Variants in TSKS observed in about 807,000 individuals in gnomAD.
TSKS encodes testis-specific serine kinase substrate.
A neutral mutation model predicts 68.0 loss-of-function variants in TSKS; 27 were observed. That is an observed-to-expected ratio of 0.40 (90% confidence interval 0.29 to 0.55). TSKS has a LOEUF of 0.55. TSKS is among the 20% of genes least tolerant of loss of function. TSKS has a pLI of 0.53. For missense variants in TSKS, 806 were observed against 776.0 expected (o/e 1.04, Z -0.46); for synonymous variants, 331 against 340.4 (o/e 0.97, Z 0.30).
chr19:49,744,080 T>A, intron 8 of TSKS, 151 bp downstream of exon 8: 4 of 754,240 alleles, frequency 5.3e-6, no homozygotes, highest in Non-Finnish European at 6.4e-6. Flanking sequence ...AGGCTTCTAG[T>A]GCAGCAGGAC....
chr19:49,761,142 C>T (rs2084437372), intron 2 of TSKS, among the ~76,000 whole-genome samples: 1 of 152,078 alleles, frequency 6.6e-6, no homozygotes, highest in Non-Finnish European at 1.5e-5. Flanking sequence ...CGAATGTATG[C>T]ATCTCCGTTT....
intron 2 of TSKS, among the ~76,000 whole-genome samples, chr19:49,754,559 G>GA (rs371624197): frequency 1.3e-5 from 2 of 151,706 alleles, no homozygotes; most frequent in South Asian, 2.1e-4. Context: ...GGCATGCAAA[G>GA]AAAAAAAACT....
rs764385903 is a variant in TSKS, at chr19:49,740,138, G to A, written c.1543C>T (p.Leu515=). The A allele has an allele frequency of 3.1e-6, 5 of 1,614,150 alleles. No homozygotes were observed. Among genetic ancestry groups the A allele is most frequent in the Admixed American group, 3.3e-5 (2 of 60,022 alleles). Residue 515 remains leucine, a synonymous_variant, in exon 10 of 11, where the codon CTG becomes TTG. Transcript: ENST00000246801. ...TGGGCCAGCCGAAGGGTGGAGCTCAGGGCCTCTGCCCTGACGTGTTTGGCT... is the reference window on the plus strand; with the variant it reads ...TGGGCCAGCCGAAGGGTGGAGCTCAAGGCCTCTGCCCTGACGTGTTTGGCT... The part of the protein sequence containing the change: ...ALAKHVRAEA[L]SSTLRLAQDE...
At chr19:49,740,798 C>T (rs1004989925) in intron 9 of TSKS, among the ~76,000 whole-genome samples, 31 of 151,926 alleles carry the variant, frequency 2.0e-4, no homozygotes, top group African/African-American at 7.5e-4. Context: ...ACACGAGAAT[C>T]GTTTGAACCT....
chr19:49,760,156 TAAAG>T (rs1037653336), intron 2 of TSKS, among the ~76,000 whole-genome samples: 5 of 151,044 alleles, frequency 3.3e-5, no homozygotes, highest in Admixed American at 6.6e-5. Context: ...TCTCAAAAAA[TAAAG>T]AAAGGAAAAG....
Position 49,739,871 on chromosome 19 carries a change from T to C in TSKS, c.1684A>G (p.Ser562Gly). ...GTGGACCCCTCAAGTGGCAGGTTGC[T>C]GAGATGATCGTGGAGGGAGCACATC... ...LKMCSLHDHL[S>G]NLPLEGSTGT... The change falls in exon 11 of 11, where the codon AGC (serine) becomes GGC (glycine). Residue 562 changes from serine (S) to glycine (G), a missense_variant. Physicochemically the swap from Ser to Gly is moderately conservative, Grantham distance 56. Transcript: ENST00000246801. 1.2e-6 allele frequency: 2 copies of C among 1,613,506 alleles called. No individual in the cohort carries two copies. Among genetic ancestry groups the C allele is most frequent in the Non-Finnish European group, 1.7e-6 (2 of 1,179,506 alleles).
At chr19:49,746,886 C>A in intron 5 of TSKS, 88 bp from the exon 6 acceptor site, 1 of 1,535,018 alleles carries the variant, frequency 6.5e-7, no homozygotes, top group Non-Finnish European at 8.7e-7. Flanking sequence ...CAGTACTCCC[C>A]GAGATTGGAA....
At chr19:49,741,758 C>G in intron 9 of TSKS, 127 bp downstream of exon 9, 2 of 1,331,984 alleles carry the variant, frequency 1.5e-6, no homozygotes, top group South Asian at 2.6e-5. Context: ...TCCCCCAGTG[C>G]CTGCTGCTCC....
At chr19:49,756,130 A>G (rs35994587) in intron 2 of TSKS, among the ~76,000 whole-genome samples, 2,677 of 152,210 alleles carry the variant, frequency 0.018, 82 homozygotes, top group African/African-American at 0.06. Flanking sequence ...ATGGTGACCA[A>G]CTGGGAATTA....
intron 4 of TSKS, among the ~76,000 whole-genome samples, chr19:49,747,740 G>T (rs917021808): frequency 6.6e-6 from 1 of 151,948 alleles, no homozygotes; most frequent in Non-Finnish European, 1.5e-5. Context: ...ACTGAGTCTC[G>T]CTCTGTCGGC....
At position 49,741,916 on chromosome 19, in the gene TSKS, G is replaced by A. The variant is rs570623619; in HGVS notation, c.1466C>T (p.Pro489Leu). 3.1e-6 allele frequency: 5 copies of A among 1,614,212 alleles called. No individual in the cohort carries two copies. In the African/African-American group the frequency reaches 6.7e-5, roughly 22 times the overall value. Residue 489 changes from proline to leucine, a missense_variant, in exon 9 of 11, where the codon CCC becomes CTC. Pro to Leu is a moderately conservative substitution (Grantham distance 98). Coordinates refer to ENST00000246801, the MANE Select transcript of TSKS (RefSeq NM_021733.2). ...VKQRGLTPAC[P>L]SCQRLHKKIL... Reference sequence around the variant, plus strand: ...CTTCTTGTGTAGCCTCTGACAGCTGGGACAGGCAGGAGTCAGGCCCCTCTG... The same window carrying A: ...CTTCTTGTGTAGCCTCTGACAGCTGAGACAGGCAGGAGTCAGGCCCCTCTG...
chr19:49,748,972 A>G (rs1210533936), intron 2 of TSKS, among the ~76,000 whole-genome samples: 4 of 152,080 alleles, frequency 2.6e-5, no homozygotes, highest in African/African-American at 9.7e-5. Flanking sequence ...CTGAGGCAGG[A>G]GAATTGCTTG....
chr19:49,743,800 T>C (rs1334726084), intron 8 of TSKS, among the ~76,000 whole-genome samples: 1 of 151,102 alleles, frequency 6.6e-6, no homozygotes, highest in Non-Finnish European at 1.5e-5. Flanking sequence ...GCGCCCAGCC[T>C]GGTCCAAGTG....
rs749676151 is a variant in TSKS, at chr19:49,746,734, A to C, written c.728T>G (p.Leu243Arg). ...CTCCTGCTTCTCCTCCGGCTCCTGC[A>C]GCTCGGCCTCCTGCCGTCGCGGCGT... ...DETPRRQEAE[L>R]QEPEEKQEPE... The change falls in exon 6 of 11, where the codon CTG becomes CGG. Residue 243 changes from leucine (L) to arginine (R), a missense_variant. Leu to Arg is a moderately radical substitution (Grantham distance 102). Transcript: ENST00000246801. 3.8e-6 allele frequency: 6 copies of C among 1,599,812 alleles called. No individual in the cohort carries two copies. Among genetic ancestry groups the C allele is most frequent in the Non-Finnish European group, 4.2e-6 (5 of 1,178,530 alleles).
At position 49,739,925 on chromosome 19, in the gene TSKS, T is replaced by G. The variant is rs1273065799; in HGVS notation, c.1630A>C (p.Met544Leu). 1 of 1,610,906 alleles carries G rather than the reference T, an allele frequency of 6.2e-7. No homozygotes were observed. The highest frequency in any genetic ancestry group is 8.5e-7 in the Non-Finnish European group (1 of 1,177,822). ...AAGTGTAGATGGTCCAGAGTGGCCATCTTCTCCCTGTCATGAGGCAGCGGG... is the reference window on the plus strand; with the variant it reads ...AAGTGTAGATGGTCCAGAGTGGCCAGCTTCTCCCTGTCATGAGGCAGCGGG... ...LTDKMKPEEK[M>L]ATLDHLHLKM... Residue 544 changes from methionine (M) to leucine (L), a missense_variant, in exon 11 of 11, where the codon ATG (methionine) becomes CTG (leucine). By Grantham distance (15) the Met-to-Leu change is conservative. Coordinates refer to ENST00000246801, the MANE Select transcript of TSKS (RefSeq NM_021733.2).
In TSKS at chr19:49,740,126, G is replaced by A; in HGVS notation, c.1555C>T (p.Leu519Phe). The A allele has an allele frequency of 6.2e-7, 1 of 1,614,154 alleles. No homozygotes were observed. Among genetic ancestry groups the A allele is most frequent in the Non-Finnish European group, 8.5e-7 (1 of 1,180,038 alleles). ...HVRAEALSSTLRLAQDEALRA... is the reference protein window; with the variant it reads ...HVRAEALSSTFRLAQDEALRA... ...AGGGCCTCGTCTTGGGCCAGCCGAAGGGTGGAGCTCAGGGCCTCTGCCCTG... is the reference window on the plus strand; with the variant it reads ...AGGGCCTCGTCTTGGGCCAGCCGAAAGGTGGAGCTCAGGGCCTCTGCCCTG... The change falls in exon 10 of 11, where the codon CTT (leucine) becomes TTT (phenylalanine). Residue 519 changes from leucine to phenylalanine, a missense_variant. Leu to Phe is a conservative substitution (Grantham distance 22, BLOSUM62 0). Coordinates refer to ENST00000246801, the MANE Select transcript of TSKS (RefSeq NM_021733.2).
At chr19:49,750,889 T>A (rs1568564214) in intron 2 of TSKS, among the ~76,000 whole-genome samples, 1 of 152,190 alleles carries the variant, frequency 6.6e-6, no homozygotes, top group African/African-American at 2.4e-5. Context: ...ACACAAAAGA[T>A]AGACAGAATA....
At chr19:49,747,323 G>A in intron 5 of TSKS, 66 bp downstream of exon 5, 4 of 1,612,784 alleles carry the variant, frequency 2.5e-6, no homozygotes, top group South Asian at 1.1e-5. Context: ...ACCTAAAAGT[G>A]TATCTTGAGT....
rs184043545 is a variant in TSKS, at chr19:49,753,516, C to T, written c.400-5047G>A. Among the ~76,000 whole-genome samples the T allele has an allele frequency of 3.3e-3, 493 of 150,926 alleles. 1 individual carries two copies. The highest frequency in any genetic ancestry group is 0.011 in the African/African-American group (459 of 41,120). On this transcript the variant is annotated intron_variant, in intron 2 of 10. Transcript: ENST00000246801. ...GGCGGAGCTTGCAGTGAGCCGAGAT[C>T]GCGCCATTGCACTCCAGCCTGGGCA...
Sources: allele counts gnomAD v4.1 joint callset (sites outside exome capture counted in the v4.1 genomes callset), GRCh38; gene constraint gnomAD v4.1.1; transcripts MANE v1.5; gene names NCBI Gene and HGNC (gene_info 2026-07-23, HGNC 2026-07-21).